Variants in NRG1 observed in about 807,000 individuals in gnomAD.
NRG1 encodes pro-neuregulin-1, membrane-bound isoform.
In NRG1, 18 loss-of-function variants were observed where a neutral mutation model predicts 63.8. That is an observed-to-expected ratio of 0.28 (90% CI 0.19 to 0.42). The LOEUF (loss-of-function observed/expected upper bound fraction) is 0.42, where lower values mean the gene tolerates loss of function less well. Among genes scored for constraint, NRG1 ranks in the 10% least tolerant of loss-of-function variants. NRG1 has a pLI of 1.00. For synonymous variants in NRG1, 302 were observed against 301.3 expected (o/e 1.00, Z -0.02); for missense variants, 762 against 814.7 (o/e 0.94, Z 0.79).
In NRG1 at chr8:32,616,879, T is replaced by C. The variant is rs565929146; in HGVS notation, c.496T>C (p.Ser166Pro). 3 of 1,591,090 alleles carry C rather than the reference T, an allele frequency of 1.9e-6. No individual in the cohort carries two copies. In the African/African-American group the frequency reaches 4.0e-5, roughly 21 times the overall value. The change falls in exon 5 of 12, where the codon TCT (serine) becomes CCT (proline). Residue 166 changes from serine (S) to proline (P), a missense_variant. Ser to Pro is a moderately conservative substitution (Grantham distance 74). Around this residue, in one of 3 missense-constraint regions of NRG1, gnomAD observed 122 missense variants for 190.1 expected, o/e 0.64. Transcript: ENST00000356819. The stretch of plus-strand genomic sequence containing the variant: ...AGTATCCACAGAAGGAGCAAATACT[T>C]CTTCATGTAAGTATACTTAAATATT...
intron 1 of NRG1, among the ~76,000 whole-genome samples, chr8:31,871,725 C>A (rs952255845): frequency 1.3e-5 from 2 of 152,140 alleles, no homozygotes; most frequent in Non-Finnish European, 2.9e-5. Flanking sequence ...ATAACTTGTT[C>A]TTTTTCCATG....
At chr8:31,783,795 C>G (rs1293063177) in intron 1 of NRG1, among the ~76,000 whole-genome samples, 2 of 152,042 alleles carry the variant, frequency 1.3e-5, no homozygotes, top group Non-Finnish European at 2.9e-5. Flanking sequence ...CAGGGCTTAG[C>G]CAAATTCTAG....
chr8:32,327,164 T>G (rs1020100600), intron 1 of NRG1, among the ~76,000 whole-genome samples: 3 of 152,176 alleles, frequency 2.0e-5, no homozygotes, highest in African/African-American at 7.2e-5. Context: ...AAGAGGTTCC[T>G]CCCTGGTTTC....
chr8:32,667,769 A>C (rs1804579565), intron 5 of NRG1, among the ~76,000 whole-genome samples: 1 of 152,122 alleles, frequency 6.6e-6, no homozygotes, highest in African/African-American at 2.4e-5. Context: ...ATTGACTTTG[A>C]TTACTGACAC....
At chr8:32,692,779 C>T (rs536833802) in intron 5 of NRG1, among the ~76,000 whole-genome samples, 2 of 152,132 alleles carry the variant, frequency 1.3e-5, no homozygotes, top group Non-Finnish European at 2.9e-5. Context: ...CTGCCGAGTG[C>T]ATGGGATACT....
intron 7 of NRG1, chr8:32,748,816 T>C: frequency 2.4e-6 from 1 of 415,266 alleles, no homozygotes; most frequent in Non-Finnish European, 4.8e-6. Flanking sequence ...AATTGTCCTA[T>C]GCCATACAGA....
intron 1 of NRG1, among the ~76,000 whole-genome samples, chr8:32,588,019 T>C (rs1261492500): frequency 6.6e-6 from 1 of 152,134 alleles, no homozygotes; most frequent in Non-Finnish European, 1.5e-5. Flanking sequence ...CCTCCCCAGT[T>C]CAAATGATTC....
rs79431500 is a variant in NRG1 at position 32,642,571 on chromosome 8, A to G, written c.502+25686A>G. Among the ~76,000 whole-genome samples, 262 of 152,348 alleles carry G rather than the reference A, an allele frequency of 1.7e-3. 6 individuals carry two copies. The East Asian group carries it at 0.032, about 18-fold the overall frequency. On this transcript the variant is annotated intron_variant, in intron 5 of 11. Coordinates refer to ENST00000356819, the Ensembl canonical transcript of NRG1. Reference sequence around the variant, plus strand: ...GAGAAGCTGCAAGTTTTGAAAGTCAACTTCAGGACATGGAGCTTTCTTGTG... The same window carrying G: ...GAGAAGCTGCAAGTTTTGAAAGTCAGCTTCAGGACATGGAGCTTTCTTGTG...
intron 1 of NRG1, among the ~76,000 whole-genome samples, chr8:31,714,638 G>A (rs143771458): frequency 8.5e-4 from 129 of 152,204 alleles, no homozygotes; most frequent in African/African-American, 2.9e-3. Context: ...GAAATAAAAA[G>A]CACTTTGCTT....
chr8:32,597,978 A>G (rs117433223), intron 2 of NRG1, among the ~76,000 whole-genome samples: 7 of 152,324 alleles, frequency 4.6e-5, no homozygotes, highest in Non-Finnish European at 8.8e-5. Flanking sequence ...GCTTTTCATC[A>G]GACAAGTTAG....
chr8:32,741,635 A>T (rs1270977332), intron 6 of NRG1, among the ~76,000 whole-genome samples: 1 of 152,170 alleles, frequency 6.6e-6, no homozygotes, highest in Admixed American at 6.5e-5. Context: ...ACAGGGATGG[A>T]ATCATGTTAG....
chr8:32,493,214 G>A (rs1033443984), intron 1 of NRG1, among the ~76,000 whole-genome samples: 16 of 152,062 alleles, frequency 1.1e-4, no homozygotes, highest in East Asian at 1.9e-4. Flanking sequence ...AATCTCCTAA[G>A]ACAGCAGACT....
rs7820276 is a variant in NRG1, at chr8:32,327,115, C to T, written c.38-268713C>T. Among the ~76,000 whole-genome samples, 597 of 152,290 alleles carry T rather than the reference C, an allele frequency of 3.9e-3. 5 individuals carry two copies. Among genetic ancestry groups the T allele is most frequent in the African/African-American group, 0.013 (554 of 41,566 alleles). On this transcript the variant is annotated intron_variant, in intron 1 of 10. Coordinates refer to the NRG1 transcript ENST00000519301. Reference sequence around the variant, plus strand: ...TGTCATATTTCAGAGGATCGTGCTCCTCAGAGCAGTGTGGGGCTGGCACAG... The same window carrying T: ...TGTCATATTTCAGAGGATCGTGCTCTTCAGAGCAGTGTGGGGCTGGCACAG...
chr8:31,771,092 C>G (rs187765848), intron 1 of NRG1, among the ~76,000 whole-genome samples: 1 of 152,244 alleles, frequency 6.6e-6, no homozygotes, highest in African/African-American at 2.4e-5. Context: ...CCACTACAAT[C>G]AGAATGGAGA....
chr8:32,358,089 T>C (rs930249196), intron 1 of NRG1, among the ~76,000 whole-genome samples: 6 of 152,148 alleles, frequency 3.9e-5, no homozygotes, highest in East Asian at 3.9e-4. Flanking sequence ...CAAGTGGAGA[T>C]GACTAAGTCA....
intron 1 of NRG1, among the ~76,000 whole-genome samples, chr8:32,122,731 G>A (rs918486971): frequency 6.6e-6 from 1 of 151,586 alleles, no homozygotes; most frequent in African/African-American, 2.4e-5. Context: ...CCATTAACTC[G>A]TCATTTAGCA....
At chr8:32,339,655 A>C (rs1294611395) in intron 1 of NRG1, among the ~76,000 whole-genome samples, 2 of 152,206 alleles carry the variant, frequency 1.3e-5, no homozygotes, top group Non-Finnish European at 2.9e-5. Context: ...TAATCTGTAC[A>C]ACCAATTTAT....
At chr8:31,793,291 T>G (rs1019934432) in intron 1 of NRG1, among the ~76,000 whole-genome samples, 2 of 152,164 alleles carry the variant, frequency 1.3e-5, no homozygotes, top group Non-Finnish European at 2.9e-5. Context: ...TGCTGCACAG[T>G]TTTAGTGTTT....
intron 1 of NRG1, among the ~76,000 whole-genome samples, chr8:32,137,673 C>A (rs1835726900): frequency 6.6e-6 from 1 of 151,994 alleles, no homozygotes; most frequent in Non-Finnish European, 1.5e-5. Flanking sequence ...AGGTTTATAC[C>A]TCCTCTTCTC....
Sources: gnomAD v4.1 joint callset for allele counts (sites outside exome capture counted in the v4.1 genomes callset) on GRCh38, gnomAD v4.1.1 for gene constraint, gnomAD v4.1.1 regional missense constraint, MANE v1.5 for transcripts, NCBI Gene and HGNC (gene_info 2026-07-23, HGNC 2026-07-21) for gene names.